The following PLEKHH2 variants were observed in gnomAD, a reference collection of about 807,000 sequenced individuals.
PLEKHH2 encodes pleckstrin homology domain-containing family H member 2.
PLEKHH2 carries 129 observed loss-of-function variants against 187.9 expected under a neutral mutation model. The ratio of observed to expected loss-of-function variants is 0.69; its 90% confidence interval spans 0.59 to 0.79. The LOEUF (loss-of-function observed/expected upper bound fraction) is 0.79, where lower values mean the gene tolerates loss of function less well. PLEKHH2 is among the 30% of genes least tolerant of loss of function. The pLI, the probability that PLEKHH2 is intolerant of heterozygous loss-of-function variation, is 0.00. For synonymous variants in PLEKHH2, 686 were observed against 605.6 expected (o/e 1.13, Z -1.95); for missense variants, 2,076 against 1,751.2 (o/e 1.19, Z -3.31).
At position 43,745,139 on chromosome 2, in the gene PLEKHH2, C is replaced by T. The variant is rs146535471; in HGVS notation, c.3556-727C>T. On this transcript the variant is annotated intron_variant, in intron 23 of 29. Transcript: ENST00000282406. ...GACCAGCCTGATCAATGTGGTGAAA[C>T]GCCATTTCTACTAAAAATACAAAAA... is the stretch of plus-strand genomic sequence containing the variant. Among the ~76,000 whole-genome samples the T allele has an allele frequency of 3.1e-3, 466 of 151,936 alleles. 4 individuals carry two copies. Among genetic ancestry groups the T allele is most frequent in the African/African-American group, 0.01 (417 of 41,442 alleles).
At chr2:43,701,075 G>A (rs1274544547) in intron 8 of PLEKHH2, among the ~76,000 whole-genome samples, 2 of 152,212 alleles carry the variant, frequency 1.3e-5, no homozygotes, top group Non-Finnish European at 2.9e-5. Flanking sequence ...ACAGATGGGA[G>A]ATCAAGGTAT....
intron 2 of PLEKHH2, among the ~76,000 whole-genome samples, chr2:43,678,405 T>C (rs1021222738): frequency 2.6e-5 from 4 of 152,084 alleles, no homozygotes; most frequent in Non-Finnish European, 4.4e-5. Context: ...GCCACTGCAC[T>C]CCAGCCTGGG....
chr2:43,644,653 T>A lies in PLEKHH2; in HGVS notation c.-3-18T>A, dbSNP rs1405364923. Reference sequence around the variant, plus strand: ...GTTTTACTTTTTAATTTTTTGTTTATTTATTTAATTTTTTTAGAATATGGC... The same window carrying A: ...GTTTTACTTTTTAATTTTTTGTTTAATTATTTAATTTTTTTAGAATATGGC... On this transcript the variant is annotated intron_variant, in intron 1 of 29. Coordinates refer to ENST00000282406, the MANE Select transcript of PLEKHH2 (RefSeq NM_172069.4). 6.7e-7 allele frequency: 1 copy of A among 1,492,594 alleles called. No individual in the cohort carries two copies. 92.5% of individuals were successfully genotyped at this position (1,492,594 alleles called of 1,614,324 possible).
At chr2:43,695,094 T>A (rs1404141016) in intron 5 of PLEKHH2, 49 bp from the exon 6 acceptor site, 7 of 1,007,036 alleles carry the variant, frequency 7.0e-6, no homozygotes, top group Non-Finnish European at 9.7e-6. Context: ...ATTAGTACAT[T>A]TTTATAATAT....
chr2:43,640,810 G>T (rs533506617), intron 1 of PLEKHH2, among the ~76,000 whole-genome samples: 1 of 151,226 alleles, frequency 6.6e-6, no homozygotes, highest in African/African-American at 2.4e-5. Context: ...TAAAGATCGG[G>T]GTCTCCCTCT....
intron 2 of PLEKHH2, among the ~76,000 whole-genome samples, chr2:43,666,990 T>C (rs1178486816): frequency 6.6e-6 from 1 of 152,170 alleles, no homozygotes; most frequent in African/African-American, 2.4e-5. Flanking sequence ...TTCTTAATAG[T>C]GTGTTTTGAA....
chr2:43,690,981 A>G (rs1254716582), intron 3 of PLEKHH2, among the ~76,000 whole-genome samples: 1 of 152,260 alleles, frequency 6.6e-6, no homozygotes, highest in Non-Finnish European at 1.5e-5. Context: ...GTTGGCAAAC[A>G]CAATATGCAG....
chr2:43,637,822 T>C (rs1479054541), intron 1 of PLEKHH2, among the ~76,000 whole-genome samples: 1 of 152,188 alleles, frequency 6.6e-6, no homozygotes, highest in Admixed American at 6.5e-5. Flanking sequence ...GGGGCGAAAC[T>C]TTAAACTCAA....
Position 43,698,833 on chromosome 2 carries a change from T to A in PLEKHH2, c.689-814T>A, listed in dbSNP as rs140794318. ...ATGGTTCATTCTGTTAATTATGTTA[T>A]ACATAAAAATAAACCATATCTAAAG... On this transcript the variant is annotated intron_variant, in intron 7 of 29. Coordinates refer to ENST00000282406, the MANE Select transcript of PLEKHH2 (RefSeq NM_172069.4). Among the ~76,000 whole-genome samples, 141 of 152,316 alleles carry A rather than the reference T, an allele frequency of 9.3e-4. No homozygotes were observed. In the Middle Eastern group the frequency reaches 0.014, roughly 15 times the overall value.
intron 3 of PLEKHH2, chr2:43,681,696 C>A: frequency 1.8e-6 from 1 of 541,560 alleles, no homozygotes; most frequent in East Asian, 3.2e-5. Flanking sequence ...TCCATCAGGC[C>A]ACTGAGGGCC....
chr2:43,735,618 T>C (rs76710528), intron 19 of PLEKHH2, among the ~76,000 whole-genome samples: 8,226 of 152,212 alleles, frequency 0.054, 327 homozygotes, highest in Middle Eastern at 0.18. Flanking sequence ...ATGTTAGAGG[T>C]AGTGGGTATC....
At chr2:43,721,901 A>T (rs1670498541) in intron 16 of PLEKHH2, among the ~76,000 whole-genome samples, 1 of 152,066 alleles carries the variant, frequency 6.6e-6, no homozygotes, top group East Asian at 1.9e-4. Context: ...TAAACAAACA[A>T]ACAAACAATC....
intron 24 of PLEKHH2, among the ~76,000 whole-genome samples, chr2:43,747,007 G>T (rs1294928021): frequency 6.6e-6 from 1 of 150,832 alleles, no homozygotes; most frequent in Non-Finnish European, 1.5e-5. Flanking sequence ...TCCTATGTTT[G>T]CCTCAGTCTT....
intron 5 of PLEKHH2, among the ~76,000 whole-genome samples, chr2:43,694,776 T>A (rs1318655229): frequency 1.3e-5 from 2 of 152,172 alleles, no homozygotes; most frequent in Non-Finnish European, 2.9e-5. Context: ...TAATTTCAAA[T>A]AATAATAGGA....
At chr2:43,705,059 T>C (rs1031385261) in intron 9 of PLEKHH2, among the ~76,000 whole-genome samples, 3 of 152,122 alleles carry the variant, frequency 2.0e-5, no homozygotes, top group African/African-American at 2.4e-5. Flanking sequence ...AAAATTCTTA[T>C]GGAAACAATG....
At chr2:43,708,759 C>T (rs962975502) in intron 11 of PLEKHH2, among the ~76,000 whole-genome samples, 1 of 152,232 alleles carries the variant, frequency 6.6e-6, no homozygotes, top group Admixed American at 6.5e-5. Context: ...AACATTGCCC[C>T]TGCCTAACTC....
At position 43,743,938 on chromosome 2, in the gene PLEKHH2, T is replaced by C; in HGVS notation, c.3504T>C (p.Thr1168=). 1 of 1,614,172 alleles carries C rather than the reference T, an allele frequency of 6.2e-7. No homozygotes were observed. Among genetic ancestry groups the C allele is most frequent in the Non-Finnish European group, 8.5e-7 (1 of 1,180,010 alleles). ...CGCAGTCTGGATTTGCGTTGTTCACTGACGATCCTTCTGGCAGAGATTTAG... is the reference window on the plus strand; with the variant it reads ...CGCAGTCTGGATTTGCGTTGTTCACCGACGATCCTTCTGGCAGAGATTTAG... ...KPAQSGFALF[T]DDPSGRDLEH... is the part of the protein sequence containing the mutation. Residue 1168 remains threonine, a synonymous_variant, in exon 23 of 30, where the codon ACT becomes ACC. Coordinates refer to ENST00000282406, the MANE Select transcript of PLEKHH2 (RefSeq NM_172069.4).
chr2:43,707,508 T>C lies in PLEKHH2; in HGVS notation c.1929T>C (p.Ser643=), dbSNP rs781728000. 2.5e-6 allele frequency: 4 copies of C among 1,614,088 alleles called. No individual in the cohort carries two copies. The highest frequency in any genetic ancestry group is 2.5e-6 in the Non-Finnish European group (3 of 1,180,006). The part of the protein sequence containing the change: ...SSRTSESDSR[S]RSGPGSPRAM... ...GGACGTCAGAGTCAGACTCACGCAG[T>C]AGGAGTGGGCCAGGCAGCCCCAGAG... The change falls in exon 11 of 30, where the codon AGT becomes AGC. Residue 643 remains serine, a synonymous_variant. Transcript: ENST00000282406.
chr2:43,737,955 A>G (rs974928153), intron 19 of PLEKHH2, among the ~76,000 whole-genome samples: 1 of 152,350 alleles, frequency 6.6e-6, no homozygotes, highest in Middle Eastern at 3.4e-3. Context: ...GAGTAAGAGA[A>G]GATATTAAAA....
Sources: gnomAD v4.1 joint callset for allele counts (sites outside exome capture counted in the v4.1 genomes callset) on GRCh38, gnomAD v4.1.1 for gene constraint, MANE v1.5 for transcripts, NCBI Gene and HGNC (gene_info 2026-07-23, HGNC 2026-07-21) for gene names.